Variants in ECM2 observed in about 807,000 individuals in gnomAD.
ECM2 encodes extracellular matrix protein 2.
A neutral mutation model predicts 67.5 loss-of-function variants in ECM2; 57 were observed. That is an observed-to-expected ratio of 0.84 (90% confidence interval 0.68 to 1.05). The LOEUF is 1.05. Ranked by LOEUF, ECM2 falls within the 50% of genes least tolerant of loss-of-function variation. The pLI is 0.00. For synonymous variants in ECM2, 258 were observed against 294.5 expected (o/e 0.88, Z 1.27); for missense variants, 741 against 822.8 (o/e 0.90, Z 1.22).
upstream of ECM2, chr9:92,539,280 CA>C (rs1355695477): frequency 1.1e-4 from 17 of 152,260 alleles, no homozygotes; most frequent in African/African-American, 4.1e-4. Flanking sequence ...AGGTGACTTT[CA>C]TGTTGAATTG....
chr9:92,548,939 A>G, the ECM2 span, among the ~76,000 whole-genome samples: 1 of 152,238 alleles, frequency 6.6e-6, no homozygotes, highest in African/African-American at 2.4e-5. Flanking sequence ...AAAAGCCAAG[A>G]CATTCCTGAA....
Position 92,508,252 on chromosome 9 carries a change from C to T in ECM2, c.1306+1647G>A, listed in dbSNP as rs145644377. 1.3e-3 allele frequency among the ~76,000 whole-genome samples: 193 copies of T among 152,256 alleles called. 1 individual carries two copies. Among genetic ancestry groups the T allele is most frequent in the Middle Eastern group, 6.8e-3 (2 of 294 alleles). ...ACTCAGCCCACCCAGGGAGTGCAGCCGGGGGTATCTGAGCCGGAGGACAGA... is the reference window on the plus strand; with the variant it reads ...ACTCAGCCCACCCAGGGAGTGCAGCTGGGGGTATCTGAGCCGGAGGACAGA... On this transcript the variant is annotated intron_variant, in intron 6 of 9. Coordinates refer to ENST00000344604, the MANE Select transcript of ECM2 (RefSeq NM_001393.4).
chr9:92,550,123 C>T, the ECM2 span, among the ~76,000 whole-genome samples: 1 of 152,206 alleles, frequency 6.6e-6, no homozygotes, highest in Non-Finnish European at 1.5e-5. Context: ...TTGGGCCGGG[C>T]GTGGTGGCTC....
upstream of ECM2, chr9:92,538,981 CT>C (rs1477663754): frequency 6.6e-6 from 1 of 152,008 alleles, no homozygotes; most frequent in Non-Finnish European, 1.5e-5. Flanking sequence ...CATATGACAG[CT>C]TTGTAGATAT....
the ECM2 span, among the ~76,000 whole-genome samples, chr9:92,552,166 ATGTGATATGATAGATCTAT>A: frequency 2.1e-4 from 27 of 130,508 alleles, no homozygotes; most frequent in Non-Finnish European, 3.0e-4. Context: ...TATCATATAT[ATGTGATATGATAGATCTAT>A]CATATACACA....
At chr9:92,512,723 GT>G (rs1252500898) in intron 4 of ECM2, among the ~76,000 whole-genome samples, 1 of 152,182 alleles carries the variant, frequency 6.6e-6, no homozygotes, top group Non-Finnish European at 1.5e-5. Flanking sequence ...GTTAAGTTCA[GT>G]AGTCAATTTT....
the ECM2 span, among the ~76,000 whole-genome samples, chr9:92,546,902 C>A: frequency 6.6e-6 from 1 of 152,154 alleles, no homozygotes; most frequent in Admixed American, 6.6e-5. Context: ...AGAGATACCA[C>A]AGGTCTCTAT....
At chr9:92,538,439 ATTT>A (rs954377704), upstream of ECM2, among the ~76,000 whole-genome samples, 5 of 152,232 alleles carry the variant, frequency 3.3e-5, no homozygotes, top group African/African-American at 1.2e-4. Context: ...GTTCTTTTAT[ATTT>A]TTATCATGTT....
At chr9:92,510,972 A>G (rs1847297704) in intron 5 of ECM2, among the ~76,000 whole-genome samples, 1 of 152,188 alleles carries the variant, frequency 6.6e-6, no homozygotes, top group East Asian at 1.9e-4. Flanking sequence ...TGGGTGGAAG[A>G]CCCAGAAGAC....
intron 1 of ECM2, 109 bp from the exon 2 acceptor site, chr9:92,523,002 A>C (rs571694556): frequency 9.6e-7 from 1 of 1,041,988 alleles, no homozygotes; most frequent in East Asian, 2.6e-5. Context: ...GAGAAATTAC[A>C]CTTATGATAT....
intron 6 of ECM2, among the ~76,000 whole-genome samples, chr9:92,508,316 G>A (rs975429617): frequency 1.1e-4 from 17 of 152,216 alleles, no homozygotes; most frequent in East Asian, 3.8e-4. Flanking sequence ...TCGGGTGCTC[G>A]GACTGTGGAG....
Position 92,512,041 on chromosome 9 carries a change from A to G in ECM2, c.1140T>C (p.Thr380=), listed in dbSNP as rs1847377764. 6.2e-7 allele frequency: 1 copy of G among 1,613,400 alleles called. No homozygotes were observed. The highest frequency in any genetic ancestry group is 1.7e-5 in the Admixed American group (1 of 59,956). Residue 380 remains threonine, a synonymous_variant, in exon 5 of 10, where the codon ACT becomes ACC. Coordinates refer to ENST00000344604, the MANE Select transcript of ECM2 (RefSeq NM_001393.4). ...ATGCTTTTGGACCTATGCCTGAAGA[A>G]GTGATATTATTTTTACTCAGATCAA... The part of the protein sequence containing the change: ...ERLDLSKNNI[T]SSGIGPKAFK...
At chr9:92,497,815 C>G (rs1846438511) in intron 9 of ECM2, among the ~76,000 whole-genome samples, 1 of 149,762 alleles carries the variant, frequency 6.7e-6, no homozygotes. Context: ...GATATCCTCT[C>G]TAGGATCAGG....
At chr9:92,523,032 A>G in intron 1 of ECM2, 139 bp from the exon 2 acceptor site, 1 of 826,226 alleles carries the variant, frequency 1.2e-6, no homozygotes. Flanking sequence ...ATGCTATAGT[A>G]TTATTGCCAA....
At chr9:92,509,305 C>A (rs1259183564) in intron 6 of ECM2, among the ~76,000 whole-genome samples, 1 of 152,146 alleles carries the variant, frequency 6.6e-6, no homozygotes, top group Non-Finnish European at 1.5e-5. Flanking sequence ...AAGTTAATAC[C>A]ATGAAGAGCA....
In ECM2 at chr9:92,495,989, A is replaced by G; in HGVS notation, c.*326T>C. ...ACTTACAGAGTTCTCAGCTAACACC[A>G]GTATTCAAGTTGATTATAAAGGCTG... is the stretch of plus-strand genomic sequence containing the variant. On this transcript the variant is annotated 3_prime_UTR_variant, in exon 10 of 10. Transcript: ENST00000344604. 1.0e-6 allele frequency: 1 copy of G among 994,764 alleles called. No homozygotes were observed. Among genetic ancestry groups the G allele is most frequent in the Non-Finnish European group, 1.2e-6 (1 of 836,450 alleles). The allele number at this position is 994,764 out of a possible 1,614,324, so 61.6% of individuals were successfully genotyped here. A position where few individuals can be genotyped will look rare whatever the true frequency, so the allele number is the denominator to read the frequency against.
chr9:92,541,523 G>A (rs552671988), upstream of ECM2, among the ~76,000 whole-genome samples: 2 of 150,288 alleles, frequency 1.3e-5, no homozygotes, highest in Non-Finnish European at 3.0e-5. Flanking sequence ...ACTGTGCCTG[G>A]CTAATTTGAG....
chr9:92,505,779 G>A (rs553012623), intron 6 of ECM2, 89 bp from the exon 7 acceptor site: 100 of 1,087,398 alleles, frequency 9.2e-5, no homozygotes, highest in Non-Finnish European at 1.2e-4. Context: ...TGAAATGGCC[G>A]GTTTATTTGG....
At chr9:92,531,036 C>T (rs886515236) in intron 1 of ECM2, among the ~76,000 whole-genome samples, 1 of 152,096 alleles carries the variant, frequency 6.6e-6, no homozygotes, top group East Asian at 1.9e-4. Context: ...TTTCAGTATA[C>T]TTCCTATTAG....
Sources: gnomAD v4.1 joint callset for allele counts (sites outside exome capture counted in the v4.1 genomes callset) on GRCh38, gnomAD v4.1.1 for gene constraint, MANE v1.5 for transcripts, NCBI Gene and HGNC (gene_info 2026-07-23, HGNC 2026-07-21) for gene names.